SGCG: variants seen among roughly 807,000 people sequenced by gnomAD.
The protein encoded by SGCG is gamma-sarcoglycan.
In SGCG, 26 loss-of-function variants were observed where a neutral mutation model predicts 29.3. That is an observed-to-expected ratio of 0.89 (90% CI 0.65 to 1.23). The LOEUF is 1.23. SGCG is among the 50% of genes most tolerant of loss of function. SGCG has a pLI of 0.00. For synonymous variants in SGCG, 145 were observed against 129.7 expected (o/e 1.12, Z -0.80); for missense variants, 353 against 356.0 (o/e 0.99, Z 0.07).
chr13:23,248,032 T>G (rs1054699268), intron 3 of SGCG, among the ~76,000 whole-genome samples: 3 of 139,022 alleles, frequency 2.2e-5, no homozygotes, highest in African/African-American at 7.6e-5. Context: ...CCCAGCACTT[T>G]GGAAGGCCAA....
intron 1 of SGCG, among the ~76,000 whole-genome samples, chr13:23,194,261 G>A (rs892308749): frequency 5.3e-5 from 8 of 152,202 alleles, no homozygotes; most frequent in African/African-American, 1.4e-4. Flanking sequence ...TCCTTACCAT[G>A]TTGGTAGAAG....
rs111938679 is a variant in SGCG at position 23,192,861 on chromosome 13, C to T, written c.1-10834C>T. Among the ~76,000 whole-genome samples, 1,244 of 152,276 alleles carry T rather than the reference C, an allele frequency of 8.2e-3. 18 individuals carry two copies. The highest frequency in any genetic ancestry group is 0.028 in the African/African-American group (1,169 of 41,548). On this transcript the variant is annotated intron_variant, in intron 1 of 7. Transcript: ENST00000218867. ...TTATTCTGCCTTCCTTTAACAAATACGTATAACTGAGCTGTTACTATGTGC... is the reference window on the plus strand; with the variant it reads ...TTATTCTGCCTTCCTTTAACAAATATGTATAACTGAGCTGTTACTATGTGC...
intron 2 of SGCG, among the ~76,000 whole-genome samples, chr13:23,219,827 CTT>C (rs1184090222): frequency 1.0e-5 from 1 of 99,196 alleles, no homozygotes; most frequent in Non-Finnish European, 2.0e-5. Flanking sequence ...ATTTCTTTTC[CTT>C]TTTTTTTTTT....
At chr13:23,253,663 G>C (rs1388253629) in intron 4 of SGCG, among the ~76,000 whole-genome samples, 3 of 152,218 alleles carry the variant, frequency 2.0e-5, no homozygotes, top group Admixed American at 6.5e-5. Context: ...ATTCTGACAT[G>C]ATTTGGATGT....
chr13:23,258,588 A>T (rs1880295036), intron 4 of SGCG, among the ~76,000 whole-genome samples: 1 of 152,102 alleles, frequency 6.6e-6, no homozygotes, highest in Admixed American at 6.6e-5. Flanking sequence ...CACTATGTTG[A>T]ATAGGAGTGG....
chr13:23,169,097 C>G, the SGCG span, among the ~76,000 whole-genome samples: 2 of 151,636 alleles, frequency 1.3e-5, no homozygotes, highest in Non-Finnish European at 2.9e-5. Flanking sequence ...AGTTTTCCCA[C>G]TAGTCCTCTC....
At chr13:23,247,898 C>T (rs1246425023) in intron 3 of SGCG, among the ~76,000 whole-genome samples, 1 of 146,252 alleles carries the variant, frequency 6.8e-6, no homozygotes, top group Non-Finnish European at 1.5e-5. Context: ...CTACAGTGAA[C>T]TGTATACTCA....
At chr13:23,262,735 A>G (rs1593204605) in intron 4 of SGCG, among the ~76,000 whole-genome samples, 1 of 152,044 alleles carries the variant, frequency 6.6e-6, no homozygotes, top group Non-Finnish European at 1.5e-5. Context: ...AACATTCTCC[A>G]TGGTAGATCA....
At chr13:23,203,571 G>C (rs1877853524) in intron 1 of SGCG, 124 bp from the exon 2 acceptor site, 1 of 713,910 alleles carries the variant, frequency 1.4e-6, no homozygotes, top group Non-Finnish European at 2.5e-6. Flanking sequence ...ATTAATTTTG[G>C]AAATCTATGA....
intron 6 of SGCG, among the ~76,000 whole-genome samples, chr13:23,304,693 T>G (rs993661963): frequency 1.3e-5 from 2 of 152,074 alleles, no homozygotes; most frequent in Admixed American, 6.6e-5. Flanking sequence ...AGCCTCTGCC[T>G]CCTGGGTTCA....
intron 2 of SGCG, among the ~76,000 whole-genome samples, chr13:23,227,156 T>C (rs563169203): frequency 4.7e-4 from 71 of 152,184 alleles, no homozygotes; most frequent in Non-Finnish European, 9.7e-4. Flanking sequence ...TAATGCACAA[T>C]GTGTTGGCTG....
chr13:23,186,302 G>A (rs1319421356), intron 1 of SGCG, among the ~76,000 whole-genome samples: 2 of 152,164 alleles, frequency 1.3e-5, no homozygotes, highest in African/African-American at 4.8e-5. Context: ...TGCCTTGCTG[G>A]TCCGCCTGGG....
At chr13:23,304,208 T>C (rs1193891353) in intron 6 of SGCG, among the ~76,000 whole-genome samples, 1 of 152,348 alleles carries the variant, frequency 6.6e-6, no homozygotes, top group Non-Finnish European at 1.5e-5. Flanking sequence ...TATTGTACTT[T>C]ATGCTGTGCA....
chr13:23,172,333 A>C, the SGCG span, among the ~76,000 whole-genome samples: 1 of 152,174 alleles, frequency 6.6e-6, no homozygotes, highest in Non-Finnish European at 1.5e-5. Flanking sequence ...ACACTTAGGA[A>C]AGTCACTGAC....
At chr13:23,240,708 A>C (rs1326279201) in intron 3 of SGCG, among the ~76,000 whole-genome samples, 1 of 81,534 alleles carries the variant, frequency 1.2e-5, no homozygotes, top group Non-Finnish European at 2.5e-5. Context: ...AAAATTTATA[A>C]ATAACCATGG....
intron 1 of SGCG, among the ~76,000 whole-genome samples, chr13:23,190,172 C>T (rs1290088242): frequency 6.6e-6 from 1 of 152,004 alleles, no homozygotes; most frequent in African/African-American, 2.4e-5. Context: ...AGTACATGAA[C>T]ATTATAGATC....
chr13:23,172,982 T>A, the SGCG span, among the ~76,000 whole-genome samples: 108,882 of 152,170 alleles, frequency 0.72, 39,034 homozygotes, highest in East Asian at 0.79. Flanking sequence ...ATATTTTTTG[T>A]GTTTGAGAAG....
intron 2 of SGCG, among the ~76,000 whole-genome samples, chr13:23,231,950 C>A (rs1460033311): frequency 1.3e-5 from 2 of 152,042 alleles, no homozygotes; most frequent in South Asian, 2.1e-4. Flanking sequence ...GAAACCCCAT[C>A]TCTACTCAAA....
In SGCG at chr13:23,295,711, T is replaced by C. The variant is rs1044199316; in HGVS notation, c.578+224T>C. On this transcript the variant is annotated intron_variant, in intron 6 of 7. Coordinates refer to ENST00000218867, the MANE Select transcript of SGCG (RefSeq NM_000231.3). ...TGGTGCCTGTTCACAGCCTCCTCCT[T>C]CCTCCTCCTTCTTCCTCTCCAATCT... Among the ~76,000 whole-genome samples the C allele has an allele frequency of 2.0e-5, 3 of 152,156 alleles. No individual in the cohort carries two copies. The South Asian group carries it at 6.2e-4, about 32-fold the overall frequency.
Sources: allele counts gnomAD v4.1 joint callset (sites outside exome capture counted in the v4.1 genomes callset), GRCh38; gene constraint gnomAD v4.1.1; transcripts MANE v1.5; gene names NCBI Gene and HGNC (gene_info 2026-07-23, HGNC 2026-07-21).